SLC4A10: variants seen among roughly 807,000 people sequenced by gnomAD.
SLC4A10 encodes sodium-driven chloride bicarbonate exchanger.
A neutral mutation model predicts 137.7 loss-of-function variants in SLC4A10; 42 were observed. The observed-to-expected ratio is 0.30, with a 90% CI of 0.24 to 0.39. SLC4A10 has a LOEUF of 0.39. SLC4A10 is among the 10% of genes least tolerant of loss of function. SLC4A10 has a pLI of 1.00. For missense variants in SLC4A10, 925 were observed against 1,355.0 expected (o/e 0.68, Z 4.98); for synonymous variants, 474 against 464.1 (o/e 1.02, Z -0.27).
At chr2:161,801,897 G>A (rs1401099394) in intron 2 of SLC4A10, among the ~76,000 whole-genome samples, 2 of 152,022 alleles carry the variant, frequency 1.3e-5, no homozygotes, top group African/African-American at 4.8e-5. Context: ...TGATATGAAT[G>A]TAAGCATTTG....
rs141767431 is a variant in SLC4A10, at chr2:161,715,252, A to G, written c.49-55721A>G. Among the ~76,000 whole-genome samples the G allele has an allele frequency of 7.2e-5, 11 of 152,162 alleles. No individual in the cohort carries two copies. In the East Asian group the frequency reaches 1.4e-3, roughly 19 times the overall value. ...AAACACCTGAATTAGATAGCCATGT[A>G]TAAATTAGCATATTCTAAATGCCAA... is the stretch of plus-strand genomic sequence containing the variant. On this transcript the variant is annotated intron_variant, in intron 1 of 26. Coordinates refer to ENST00000446997, the MANE Select transcript of SLC4A10 (RefSeq NM_001178015.2).
chr2:161,642,515 ATGTT>A (rs1191706000), intron 1 of SLC4A10, among the ~76,000 whole-genome samples: 3 of 152,010 alleles, frequency 2.0e-5, no homozygotes, highest in Admixed American at 6.5e-5. Flanking sequence ...AGGCACAAGA[ATGTT>A]TGGCAAAATG....
intron 8 of SLC4A10, among the ~76,000 whole-genome samples, chr2:161,875,487 T>G: frequency 6.6e-6 from 1 of 152,204 alleles, no homozygotes; most frequent in African/African-American, 2.4e-5. Context: ...ACCCTTCCAG[T>G]GGATAGACGT....
At chr2:161,644,068 C>CTTTTTTTTTTTTTTTTTT (rs5835873) in intron 1 of SLC4A10, among the ~76,000 whole-genome samples, 1 of 143,730 alleles carries the variant, frequency 7.0e-6, no homozygotes, top group Non-Finnish European at 1.5e-5. Context: ...GGCTTCTAAT[C>CTTTTTTTTTTTTTTTTTT]TTTTTTTTTT....
At chr2:161,941,030 T>C (rs942426872) in intron 15 of SLC4A10, among the ~76,000 whole-genome samples, 1 of 152,168 alleles carries the variant, frequency 6.6e-6, no homozygotes, top group African/African-American at 2.4e-5. Flanking sequence ...CCCAGGACAT[T>C]GTAAAAAATA....
At chr2:161,959,156 A>G (rs1326057948) in intron 21 of SLC4A10, among the ~76,000 whole-genome samples, 1 of 152,212 alleles carries the variant, frequency 6.6e-6, no homozygotes, top group Non-Finnish European at 1.5e-5. Flanking sequence ...AGAAATAAGA[A>G]CAATTTGTTG....
At chr2:161,735,168 A>G (rs2047217885) in intron 1 of SLC4A10, among the ~76,000 whole-genome samples, 1 of 148,752 alleles carries the variant, frequency 6.7e-6, no homozygotes, top group African/African-American at 2.4e-5. Flanking sequence ...TAATATACAT[A>G]TATTAATTAA....
At chr2:161,949,647 T>G (rs1398161362) in intron 18 of SLC4A10, among the ~76,000 whole-genome samples, 1 of 152,048 alleles carries the variant, frequency 6.6e-6, no homozygotes, top group Admixed American at 6.6e-5. Flanking sequence ...TCTGACCGTG[T>G]TACTAATGGG....
intron 8 of SLC4A10, among the ~76,000 whole-genome samples, chr2:161,876,785 A>G (rs1350642081): frequency 6.6e-6 from 1 of 152,110 alleles, no homozygotes; most frequent in Non-Finnish European, 1.5e-5. Flanking sequence ...CCCACGAATA[A>G]TATAATATGT....
At chr2:161,951,319 C>T (rs1694766291) in intron 19 of SLC4A10, among the ~76,000 whole-genome samples, 1 of 152,140 alleles carries the variant, frequency 6.6e-6, no homozygotes, top group South Asian at 2.1e-4. Flanking sequence ...AAAATCCAGA[C>T]ATAAACGTCA....
intron 1 of SLC4A10, among the ~76,000 whole-genome samples, chr2:161,625,575 C>T (rs887309279): frequency 2.0e-5 from 3 of 152,052 alleles, no homozygotes; most frequent in African/African-American, 7.2e-5. Flanking sequence ...CCACCTTGCG[C>T]GGAAGGGACT....
At chr2:161,921,160 A>G (rs185432769) in intron 15 of SLC4A10, among the ~76,000 whole-genome samples, 6 of 152,308 alleles carry the variant, frequency 3.9e-5, no homozygotes, top group Non-Finnish European at 8.8e-5. Context: ...ACCTGAACTT[A>G]TCTCTCCATT....
intron 1 of SLC4A10, among the ~76,000 whole-genome samples, chr2:161,646,480 T>C (rs561609123): frequency 2.0e-5 from 3 of 152,106 alleles, no homozygotes; most frequent in South Asian, 2.1e-4. Context: ...AACTTGGAAA[T>C]ATTTTGAAGC....
At chr2:161,935,031 T>G (rs1424728501) in intron 15 of SLC4A10, among the ~76,000 whole-genome samples, 1 of 152,182 alleles carries the variant, frequency 6.6e-6, no homozygotes, top group Non-Finnish European at 1.5e-5. Context: ...TGTTTTCTTA[T>G]AGTGGTTTTA....
intron 5 of SLC4A10, among the ~76,000 whole-genome samples, chr2:161,861,533 A>T (rs1243559130): frequency 6.6e-6 from 1 of 152,116 alleles, no homozygotes; most frequent in African/African-American, 2.4e-5. Context: ...TATGTAGTTT[A>T]ATTTGGGTTT....
At chr2:161,735,914 G>A (rs1396664327) in intron 1 of SLC4A10, among the ~76,000 whole-genome samples, 1 of 152,136 alleles carries the variant, frequency 6.6e-6, no homozygotes, top group African/African-American at 2.4e-5. Context: ...TTTAAAACAT[G>A]TATCAGAGGT....
At chr2:161,929,406 C>T (rs1689900648) in intron 15 of SLC4A10, among the ~76,000 whole-genome samples, 1 of 152,166 alleles carries the variant, frequency 6.6e-6, no homozygotes, top group Non-Finnish European at 1.5e-5. Flanking sequence ...TGTGCCTAGG[C>T]AAATATCTAA....
At chr2:161,918,777 G>T (rs933623629) in intron 15 of SLC4A10, among the ~76,000 whole-genome samples, 1 of 152,010 alleles carries the variant, frequency 6.6e-6, no homozygotes, top group Non-Finnish European at 1.5e-5. Flanking sequence ...GTAGGGAGGC[G>T]CCTACTTGCT....
chr2:161,854,506 T>A (rs1227936), intron 4 of SLC4A10, among the ~76,000 whole-genome samples: 112,543 of 152,040 alleles, frequency 0.74, 42,041 homozygotes, highest in East Asian at 0.99. Flanking sequence ...AACAGGCCCC[T>A]AATTATGCTA....
Sources: allele counts gnomAD v4.1 joint callset (sites outside exome capture counted in the v4.1 genomes callset), GRCh38; gene constraint gnomAD v4.1.1; transcripts MANE v1.5; gene names NCBI Gene and HGNC (gene_info 2026-07-23, HGNC 2026-07-21).